WIPI2: variants seen among roughly 807,000 people sequenced by gnomAD.
WIPI2 encodes WD repeat domain, phosphoinositide interacting 2.
A neutral mutation model predicts 52.3 loss-of-function variants in WIPI2; 28 were observed. That is an observed-to-expected ratio of 0.54 (90% confidence interval 0.40 to 0.73). The LOEUF (loss-of-function observed/expected upper bound fraction) is 0.73. Among genes scored for constraint, WIPI2 ranks in the 30% least tolerant of loss-of-function variants. The pLI is 0.00. For synonymous variants in WIPI2, 268 were observed against 245.0 expected, an observed-to-expected ratio of 1.09 and a Z score of -0.88; for missense variants, 506 against 602.9, an observed-to-expected ratio of 0.84 and a Z score of 1.68.
intron 3 of WIPI2, among the ~76,000 whole-genome samples, chr7:5,204,742 G>A (rs1782209464): frequency 6.6e-6 from 1 of 151,958 alleles, no homozygotes; most frequent in South Asian, 2.1e-4. Flanking sequence ...CTCATGCAGT[G>A]GTGCCAGCAC....
chr7:5,228,093 A>T lies in WIPI2; in HGVS notation c.1014-11A>T, dbSNP rs11763996. ...GTTGTCTAGAATTTGGCTGCTCTTT[A>T]TTCTCCCTAGAATTCAGAAGATCCC... On this transcript the variant is annotated splice_polypyrimidine_tract_variant and intron_variant, in intron 10 of 12. Transcript: ENST00000288828. 7.4e-6 allele frequency: 12 copies of T among 1,613,308 alleles called. No homozygotes were observed. Among genetic ancestry groups the T allele is most frequent in the African/African-American group, 2.7e-5 (2 of 74,852 alleles).
chr7:5,199,425 TACAA>T (rs939964557), intron 2 of WIPI2, 147 bp from the exon 3 acceptor site: 1 of 644,118 alleles, frequency 1.6e-6, no homozygotes, highest in Non-Finnish European at 2.8e-6. Flanking sequence ...AAGCACTTGA[TACAA>T]ACAGTGTGAA....
At chr7:5,201,927 T>A (rs1443930220) in intron 3 of WIPI2, among the ~76,000 whole-genome samples, 2 of 152,050 alleles carry the variant, frequency 1.3e-5, no homozygotes, top group African/African-American at 4.8e-5. Flanking sequence ...AAGAATATTA[T>A]CTGCCTTTCC....
intron 2 of WIPI2, among the ~76,000 whole-genome samples, chr7:5,193,797 T>C (rs1450858100): frequency 2.0e-5 from 3 of 152,138 alleles, no homozygotes; most frequent in Admixed American, 1.3e-4. Flanking sequence ...AGGCTGGTGT[T>C]GAACTCCTGG....
In WIPI2 at chr7:5,227,955, G is replaced by A. The variant is rs531431970; in HGVS notation, c.1014-149G>A. On this transcript the variant is annotated intron_variant, in intron 10 of 12. Coordinates refer to ENST00000288828, the MANE Select transcript of WIPI2 (RefSeq NM_015610.4). The surrounding 1 kb of genome is among the most constrained non-coding windows in gnomAD (Gnocchi z 8.1). Reference sequence around the variant, plus strand: ...GAGTGCAGCCTTGGCCGTGTGAGCCGAGGTCAGTGGGGCGCCAGACACCTG... The same window carrying A: ...GAGTGCAGCCTTGGCCGTGTGAGCCAAGGTCAGTGGGGCGCCAGACACCTG... 5.1e-5 allele frequency: 38 copies of A among 751,834 alleles called. No individual in the cohort carries two copies. The highest frequency in any genetic ancestry group is 1.5e-4 in the Admixed American group (7 of 46,054). 46.6% of individuals were successfully genotyped at this position (751,834 alleles called of 1,614,324 possible). A position where few individuals can be genotyped will look rare whatever the true frequency, so the allele number is the denominator to read the frequency against.
At chr7:5,223,900 C>T (rs1198767552) in intron 8 of WIPI2, among the ~76,000 whole-genome samples, 1 of 152,294 alleles carries the variant, frequency 6.6e-6, no homozygotes, top group Non-Finnish European at 1.5e-5. Flanking sequence ...TGGGCCCGCC[C>T]TGTGCCTCTC....
rs531385579 is a variant in WIPI2, at chr7:5,199,742, G to A, written c.211+84G>A. 2.1e-5 allele frequency: 29 copies of A among 1,358,314 alleles called. No individual in the cohort carries two copies. The African/African-American group carries it at 2.5e-4, about 12-fold the overall frequency. 84.1% of individuals were successfully genotyped at this position (1,358,314 alleles called of 1,614,324 possible). A position where few individuals can be genotyped will look rare whatever the true frequency, so the allele number is the denominator to read the frequency against. Reference sequence around the variant, plus strand: ...TTGGAATGCGATCTAAAATTCAGACGCTGTGGTTGAAGTCCAGACACCCTC... The same window carrying A: ...TTGGAATGCGATCTAAAATTCAGACACTGTGGTTGAAGTCCAGACACCCTC... On this transcript the variant is annotated intron_variant, in intron 3 of 12. Transcript: ENST00000288828.
chr7:5,190,285 C>A lies in WIPI2; in HGVS notation c.-135C>A. ...AAACAAGAGCGGGGACGGGATGAGG[C>A]GGCGGTTGATCCCAGGGTGGCGAGT... On this transcript the variant is annotated 5_prime_UTR_variant, in exon 1 of 13. Transcript: ENST00000288828. 1 of 438,414 alleles carries A rather than the reference C, an allele frequency of 2.3e-6. No homozygotes were observed. The highest frequency in any genetic ancestry group is 5.2e-5 in the East Asian group (1 of 19,348). The allele number at this position is 438,414 out of a possible 1,614,324, so 27.2% of individuals were successfully genotyped here.
At position 5,214,659 on chromosome 7, in the gene WIPI2, C is replaced by G; in HGVS notation, c.336C>G (p.Asn112Lys). 2 of 1,614,258 alleles carry G rather than the reference C, an allele frequency of 1.2e-6. No individual in the cohort carries two copies. Among genetic ancestry groups the G allele is most frequent in the Non-Finnish European group, 8.5e-7 (1 of 1,180,050 alleles). The stretch of plus-strand genomic sequence containing the variant: ...TTAAGAAGGGAACTGAGATCTGCAA[C>G]TACAGCTACTCCAACACGATTCTGG... The part of the protein sequence containing the change: ...CHFKKGTEIC[N>K]YSYSNTILAV... The change falls in exon 4 of 13, where the codon AAC becomes AAG. Residue 112 changes from asparagine to lysine, a missense_variant. Coordinates refer to ENST00000288828, the MANE Select transcript of WIPI2 (RefSeq NM_015610.4).
chr7:5,201,865 G>A (rs943460292), intron 3 of WIPI2, among the ~76,000 whole-genome samples: 1 of 152,174 alleles, frequency 6.6e-6, no homozygotes. Flanking sequence ...AATGGACAAA[G>A]AATGTTTTGA....
At chr7:5,196,957 C>T (rs528360125) in intron 2 of WIPI2, among the ~76,000 whole-genome samples, 1 of 151,438 alleles carries the variant, frequency 6.6e-6, no homozygotes, top group Non-Finnish European at 1.5e-5. Flanking sequence ...ACTAGAAATA[C>T]AAAAATTAGC....
chr7:5,230,901 T>C lies in WIPI2; in HGVS notation c.1319T>C (p.Leu440Pro). 6.2e-7 allele frequency: 1 copy of C among 1,613,778 alleles called. No homozygotes were observed. Among genetic ancestry groups the C allele is most frequent in the African/African-American group, 1.3e-5 (1 of 75,056 alleles). ...GAGGACGAGGCCAGCGCCCTGCGCC[T>C]GGATGAGGACAGCGAGCACCCGCCC... is the stretch of plus-strand genomic sequence containing the variant. ...CLEDEASALR[L>P]DEDSEHPPMI... Residue 440 changes from leucine (L) to proline (P), a missense_variant, in exon 13 of 13, where the codon CTG becomes CCG. By Grantham distance (98) the Leu-to-Pro change is moderately conservative. Around this residue, in one of 4 missense-constraint regions of WIPI2, gnomAD observed 194 missense variants for 175.1 expected, o/e 1.11. Coordinates refer to ENST00000288828, the MANE Select transcript of WIPI2 (RefSeq NM_015610.4). The surrounding 1 kb of genome is among the most constrained non-coding windows in gnomAD (Gnocchi z 4.8).
rs112757732 is a variant in WIPI2, at chr7:5,196,727, A to G, written c.129-2849A>G. Among the ~76,000 whole-genome samples the G allele has an allele frequency of 4.3e-3, 660 of 152,314 alleles. 12 individuals carry two copies. The highest frequency in any genetic ancestry group is 2.7e-3 in the East Asian group (14 of 5,182). On this transcript the variant is annotated intron_variant, in intron 2 of 12. Coordinates refer to ENST00000288828, the MANE Select transcript of WIPI2 (RefSeq NM_015610.4). ...TTGGTTTCCAAGTCACCAAGAAATT[A>G]GGAAGGACGGGCTGTTAATGACGGC...
At chr7:5,223,860 T>C (rs970345038) in intron 8 of WIPI2, among the ~76,000 whole-genome samples, 1 of 152,192 alleles carries the variant, frequency 6.6e-6, no homozygotes, top group African/African-American at 2.4e-5. Flanking sequence ...TCCTTCCGCC[T>C]GAATGGTGCC....
chr7:5,208,864 A>C (rs6972587), intron 3 of WIPI2, among the ~76,000 whole-genome samples: 98,064 of 151,954 alleles, frequency 0.65, 32,060 homozygotes, highest in East Asian at 0.71. Context: ...CTTTGTCTGC[A>C]AAAGAGCCTG....
At chr7:5,229,771 T>C in intron 12 of WIPI2, 33 bp downstream of exon 12, 3 of 1,611,954 alleles carry the variant, frequency 1.9e-6, no homozygotes, top group Non-Finnish European at 2.5e-6. Flanking sequence ...GGAAGGTAAT[T>C]AGCCCCACAG....
intron 9 of WIPI2, chr7:5,226,419 C>T (rs915591336): frequency 1.2e-5 from 2 of 162,038 alleles, no homozygotes; most frequent in African/African-American, 2.4e-5. Context: ...TGCAGTGGTA[C>T]AGTCATTACT....
chr7:5,203,352 G>GAC (rs1158933103), intron 3 of WIPI2, among the ~76,000 whole-genome samples: 1 of 152,174 alleles, frequency 6.6e-6, no homozygotes, highest in African/African-American at 2.4e-5. Flanking sequence ...CGGAGCCGCA[G>GAC]ACACACACGG....
At position 5,229,727 on chromosome 7, in the gene WIPI2, C is replaced by T. The variant is rs767790845; in HGVS notation, c.1241C>T (p.Pro414Leu). 17 of 1,613,912 alleles carry T rather than the reference C, an allele frequency of 1.1e-5. No individual in the cohort carries two copies. Among genetic ancestry groups the T allele is most frequent in the East Asian group, 6.7e-5 (3 of 44,876 alleles). Residue 414 changes from proline to leucine, a missense_variant, in exon 12 of 13, where the codon CCA (proline) becomes CTA (leucine). Coordinates refer to ENST00000288828, the MANE Select transcript of WIPI2 (RefSeq NM_015610.4). ...AAAGGTACTTACGTGCCTTCATCCC[C>T]AACGAGACTTGGTAAGGGGCGTGAC... is the stretch of plus-strand genomic sequence containing the variant. ...AGKGTYVPSS[P>L]TRLAYTDDLG...
Sources: allele counts gnomAD v4.1 joint callset (sites outside exome capture counted in the v4.1 genomes callset), GRCh38; gene constraint gnomAD v4.1.1; regional missense constraint gnomAD v4.1.1; non-coding constraint Gnocchi (gnomAD v3.1); transcripts MANE v1.5; gene names NCBI Gene and HGNC (gene_info 2026-07-23, HGNC 2026-07-21).